THRB: variants seen among roughly 807,000 people sequenced by gnomAD.
The protein encoded by THRB is nuclear receptor subfamily 1 group A member 2.
A neutral mutation model predicts 47.8 loss-of-function variants in THRB; 12 were observed. That is an observed-to-expected ratio of 0.25 (90% CI 0.16 to 0.41). The LOEUF (loss-of-function observed/expected upper bound fraction) is 0.41. THRB is among the 10% of genes least tolerant of loss of function. The pLI is 1.00. For synonymous variants in THRB, 218 were observed against 212.2 expected (o/e 1.03, Z -0.24); for missense variants, 348 against 589.2 (o/e 0.59, Z 4.24).
intron 3 of THRB, among the ~76,000 whole-genome samples, chr3:24,243,739 C>A (rs575218910): frequency 1.2e-4 from 18 of 152,122 alleles, no homozygotes; most frequent in African/African-American, 4.3e-4. Flanking sequence ...ACTGTTTTTT[C>A]TCCCTCTGCT....
At chr3:24,452,032 G>A (rs1359124994) in intron 1 of THRB, among the ~76,000 whole-genome samples, 1 of 152,150 alleles carries the variant, frequency 6.6e-6, no homozygotes, top group Non-Finnish European at 1.5e-5. Context: ...ATTTAGAGAT[G>A]ACTAGATTGC....
intron 1 of THRB, among the ~76,000 whole-genome samples, chr3:24,394,674 C>G (rs1462217565): frequency 1.3e-5 from 2 of 152,084 alleles, no homozygotes; most frequent in Non-Finnish European, 2.9e-5. Context: ...GAAACATCAT[C>G]AAATAGCACC....
At chr3:24,420,681 A>G (rs1178468728) in intron 1 of THRB, among the ~76,000 whole-genome samples, 1 of 151,952 alleles carries the variant, frequency 6.6e-6, no homozygotes, top group Non-Finnish European at 1.5e-5. Context: ...AATGGCTATT[A>G]TTAAAAAGTC....
intron 3 of THRB, among the ~76,000 whole-genome samples, chr3:24,257,881 C>A (rs529649292): frequency 7.9e-5 from 12 of 152,340 alleles, no homozygotes; most frequent in African/African-American, 2.9e-4. Context: ...ATTCATTCAG[C>A]TTCAGCTTGG....
chr3:24,307,580 C>A (rs1386660892), intron 2 of THRB, among the ~76,000 whole-genome samples: 1 of 152,028 alleles, frequency 6.6e-6, no homozygotes, highest in Admixed American at 6.6e-5. Context: ...TGGCTGATTT[C>A]CAAATACAAA....
At chr3:24,474,293 C>T (rs1695127740) in intron 1 of THRB, among the ~76,000 whole-genome samples, 1 of 152,144 alleles carries the variant, frequency 6.6e-6, no homozygotes, top group African/African-American at 2.4e-5. Context: ...AAGCATAAAG[C>T]CAAAGGCAAT....
intron 2 of THRB, among the ~76,000 whole-genome samples, chr3:24,332,636 TACAA>T (rs1311579307): frequency 2.6e-5 from 4 of 152,336 alleles, no homozygotes; most frequent in African/African-American, 9.6e-5. Flanking sequence ...TTTCTTTGTC[TACAA>T]ACAGAGAATA....
At chr3:24,481,666 G>C (rs922781284) in intron 1 of THRB, among the ~76,000 whole-genome samples, 4 of 152,040 alleles carry the variant, frequency 2.6e-5, no homozygotes, top group African/African-American at 7.3e-5. Context: ...TGTCATTGGA[G>C]TGGCATGTTT....
intron 3 of THRB, among the ~76,000 whole-genome samples, chr3:24,248,314 C>T (rs1200895664): frequency 1.3e-5 from 2 of 151,934 alleles, no homozygotes; most frequent in African/African-American, 2.4e-5. Context: ...AAAGGGACTA[C>T]AAATGAATAC....
At chr3:24,332,162 A>G (rs138676715) in intron 2 of THRB, among the ~76,000 whole-genome samples, 1 of 152,290 alleles carries the variant, frequency 6.6e-6, no homozygotes, top group East Asian at 1.9e-4. Context: ...AAGAGGAAAA[A>G]CACAGCTAGT....
intron 1 of THRB, among the ~76,000 whole-genome samples, chr3:24,405,206 G>A (rs954542706): frequency 6.6e-6 from 1 of 151,964 alleles, no homozygotes; most frequent in Non-Finnish European, 1.5e-5. Flanking sequence ...TTGCTTTTAA[G>A]TGTATCTGGA....
intron 3 of THRB, among the ~76,000 whole-genome samples, chr3:24,230,250 C>A (rs918649093): frequency 1.3e-5 from 2 of 152,234 alleles, no homozygotes; most frequent in Admixed American, 1.3e-4. Context: ...GTGGAAATTA[C>A]ATGTTTACAC....
chr3:24,343,870 A>G (rs901315894), intron 1 of THRB, among the ~76,000 whole-genome samples: 1 of 149,166 alleles, frequency 6.7e-6, no homozygotes, highest in African/African-American at 2.4e-5. Flanking sequence ...GTGAATGGGT[A>G]TATTTGGCAG....
intron 3 of THRB, among the ~76,000 whole-genome samples, chr3:24,269,384 C>T (rs2053026740): frequency 1.8e-5 from 1 of 55,292 alleles, no homozygotes; most frequent in Non-Finnish European, 3.8e-5. Flanking sequence ...CATCATAGCT[C>T]ACACGCGCGC....
At position 24,324,917 on chromosome 3, in the gene THRB, A is replaced by G. The variant is rs114542608; in HGVS notation, c.-189+12383T>C. Among the ~76,000 whole-genome samples the G allele has an allele frequency of 9.1e-3, 1,381 of 152,346 alleles. 12 individuals are homozygous for G. The highest frequency in any genetic ancestry group is 0.011 in the Non-Finnish European group (769 of 68,022). On this transcript the variant is annotated intron_variant, in intron 2 of 10. Coordinates refer to ENST00000646209, the MANE Select transcript of THRB (RefSeq NM_001354712.2). ...AAAAATATGTATTATACTATTTAAG[A>G]TTACATGAGAATTATAAAATATGTA... is the stretch of plus-strand genomic sequence containing the variant.
intron 7 of THRB, chr3:24,143,967 C>T (rs540098866): frequency 9.1e-5 from 48 of 527,012 alleles, no homozygotes; most frequent in South Asian, 2.7e-4. Flanking sequence ...CTAGACACTG[C>T]GCACTCCAAC....
intron 1 of THRB, among the ~76,000 whole-genome samples, chr3:24,400,525 C>G (rs1412957507): frequency 3.3e-5 from 5 of 151,882 alleles, no homozygotes; most frequent in Admixed American, 3.3e-4. Flanking sequence ...GAAAAACACT[C>G]AAAAAGAGTT....
intron 1 of THRB, among the ~76,000 whole-genome samples, chr3:24,401,510 T>C (rs554449348): frequency 5.3e-5 from 8 of 152,210 alleles, no homozygotes; most frequent in Middle Eastern, 3.4e-3. Context: ...CTAGGTCTTT[T>C]ATTATTATTG....
At chr3:24,315,967 GT>G (rs200401316) in intron 2 of THRB, among the ~76,000 whole-genome samples, 7 of 151,820 alleles carry the variant, frequency 4.6e-5, no homozygotes, top group African/African-American at 7.3e-5. Flanking sequence ...GTATGTTTCT[GT>G]TTTTTTTCTT....
Sources: gnomAD v4.1 joint callset for allele counts (sites outside exome capture counted in the v4.1 genomes callset) on GRCh38, gnomAD v4.1.1 for gene constraint, MANE v1.5 for transcripts, NCBI Gene and HGNC (gene_info 2026-07-23, HGNC 2026-07-21) for gene names.